Variants in ABHD3 observed in about 807,000 individuals in gnomAD.
The protein encoded by ABHD3 is abhydrolase domain containing 3, phospholipase, also known as phospholipase ABHD3.
In ABHD3, 46 loss-of-function variants were observed where a neutral mutation model predicts 48.8. The observed-to-expected ratio is 0.94, with a 90% CI of 0.74 to 1.20. The LOEUF (loss-of-function observed/expected upper bound fraction) is 1.20. Among genes scored for constraint, ABHD3 ranks in the 50% most tolerant of loss-of-function variants. The probability of loss-of-function intolerance (pLI) is 0.00; values close to 1 mark genes in which losing one functional copy is unlikely to be tolerated. For missense variants in ABHD3, 490 were observed against 497.8 expected, an observed-to-expected ratio of 0.98 and a Z score of 0.15; for synonymous variants, 192 against 183.7, an observed-to-expected ratio of 1.04 and a Z score of -0.36.
chr18:21,703,140 C>T (rs1400746536), intron 2 of ABHD3, among the ~76,000 whole-genome samples: 4 of 151,686 alleles, frequency 2.6e-5, no homozygotes, highest in Non-Finnish European at 5.9e-5. Flanking sequence ...ATCAAGATCC[C>T]ATTTGCCTGT....
intron 8 of ABHD3, among the ~76,000 whole-genome samples, chr18:21,653,844 T>C: frequency 7.3e-6 from 1 of 137,290 alleles, no homozygotes; most frequent in South Asian, 2.3e-4. Context: ...TGCAGTAAAC[T>C]TTTTTTTTTT....
chr18:21,654,188 A>G (rs2039293460), intron 8 of ABHD3, among the ~76,000 whole-genome samples: 1 of 152,062 alleles, frequency 6.6e-6, no homozygotes, highest in African/African-American at 2.4e-5. Context: ...AGTGGACTCC[A>G]GTCTGGGCAA....
chr18:21,680,317 C>T (rs922738757), intron 4 of ABHD3, among the ~76,000 whole-genome samples: 1 of 152,114 alleles, frequency 6.6e-6, no homozygotes, highest in African/African-American at 2.4e-5. Flanking sequence ...TGCCCAGTCT[C>T]ATGTTTATTA....
At chr18:21,676,686 C>G (rs1333747728) in intron 4 of ABHD3, among the ~76,000 whole-genome samples, 2 of 152,220 alleles carry the variant, frequency 1.3e-5, no homozygotes, top group Non-Finnish European at 2.9e-5. Flanking sequence ...CCACCGCATC[C>G]GGCCTTAAGT....
At chr18:21,695,620 G>A (rs2040352897) in intron 3 of ABHD3, among the ~76,000 whole-genome samples, 1 of 149,028 alleles carries the variant, frequency 6.7e-6, no homozygotes, top group Non-Finnish European at 1.5e-5. Context: ...CATTAAATTT[G>A]CCATTACTTT....
At chr18:21,681,143 T>C (rs1002974610) in intron 4 of ABHD3, among the ~76,000 whole-genome samples, 1 of 152,066 alleles carries the variant, frequency 6.6e-6, no homozygotes, top group Non-Finnish European at 1.5e-5. Flanking sequence ...TCTCAGTCTG[T>C]CTCTCTCTTG....
At position 21,651,540 on chromosome 18, in the gene ABHD3, A is replaced by C. The variant is rs1443334698; in HGVS notation, c.*51T>G. The C allele has an allele frequency of 6.2e-7, 1 of 1,606,954 alleles. No individual in the cohort carries two copies. The highest frequency in any genetic ancestry group is 1.1e-5 in the South Asian group (1 of 90,584). On this transcript the variant is annotated 3_prime_UTR_variant, in exon 9 of 9. Transcript: ENST00000289119. Reference sequence around the variant, plus strand: ...CAGTTAAAATTTGTGCACTAAGCTGAGCTGCCTTCACAATTGTGGTTCAGA... The same window carrying C: ...CAGTTAAAATTTGTGCACTAAGCTGCGCTGCCTTCACAATTGTGGTTCAGA...
intron 4 of ABHD3, among the ~76,000 whole-genome samples, chr18:21,672,979 G>A (rs2039788538): frequency 6.6e-6 from 1 of 152,178 alleles, no homozygotes; most frequent in Non-Finnish European, 1.5e-5. Flanking sequence ...TCACATTCCT[G>A]CCAGCGCTCC....
chr18:21,682,120 G>T, intron 4 of ABHD3: 1 of 152,468 alleles, frequency 6.6e-6, no homozygotes, highest in South Asian at 2.1e-4. Flanking sequence ...CTGGGCAACA[G>T]GGCAAGACCC....
intron 6 of ABHD3, among the ~76,000 whole-genome samples, chr18:21,657,666 A>G (rs2039389792): frequency 6.6e-6 from 1 of 152,114 alleles, no homozygotes; most frequent in Non-Finnish European, 1.5e-5. Flanking sequence ...AATCTAATCC[A>G]GTGTTTAATG....
At chr18:21,666,827 G>A (rs925927786) in intron 4 of ABHD3, among the ~76,000 whole-genome samples, 1 of 152,078 alleles carries the variant, frequency 6.6e-6, no homozygotes, top group Non-Finnish European at 1.5e-5. Flanking sequence ...CTTCACTTGA[G>A]ATCTGGGAGG....
intron 1 of ABHD3, 186 bp from the exon 2 acceptor site, chr18:21,703,933 G>T: frequency 1.7e-6 from 1 of 595,336 alleles, no homozygotes; most frequent in East Asian, 2.8e-5. Flanking sequence ...TGCCCCGAGG[G>T]GAAGGCGAGA....
intron 3 of ABHD3, among the ~76,000 whole-genome samples, chr18:21,691,521 G>A (rs149935972): frequency 2.6e-5 from 4 of 152,204 alleles, no homozygotes; most frequent in Admixed American, 1.3e-4. Context: ...CATAATTCAC[G>A]TACCTTTTTC....
Position 21,651,780 on chromosome 18 carries a change from AC to A in ABHD3, c.1058-18del. The A allele has an allele frequency of 6.6e-7, 1 of 1,506,864 alleles. No homozygotes were observed. The allele number at this position is 1,506,864 out of a possible 1,614,324, so 93.3% of individuals were successfully genotyped here. On this transcript the variant is annotated intron_variant, in intron 8 of 8. Transcript: ENST00000289119. ...TTGGAATAGCTTCAGACCAAAAAAA[AC>A]ATGGCAATAAGAGAGAAGAAGGAGA...
At chr18:21,681,393 T>C (rs139772008) in intron 4 of ABHD3, among the ~76,000 whole-genome samples, 1 of 152,284 alleles carries the variant, frequency 6.6e-6, no homozygotes, top group Non-Finnish European at 1.5e-5. Context: ...ATACGACTAA[T>C]ACTATTTTCT....
intron 8 of ABHD3, among the ~76,000 whole-genome samples, chr18:21,655,614 C>T (rs1247713685): frequency 1.3e-5 from 2 of 152,006 alleles, no homozygotes; most frequent in Admixed American, 6.6e-5. Context: ...CTGAGGCAGG[C>T]GGATCGCCTG....
rs544250040 is a variant in ABHD3 at position 21,690,340 on chromosome 18, C to T, written c.510-6375G>A. Among the ~76,000 whole-genome samples, 312 of 151,768 alleles carry T rather than the reference C, an allele frequency of 2.1e-3. 1 individual carries two copies. The highest frequency in any genetic ancestry group is 6.0e-3 in the South Asian group (29 of 4,822). On this transcript the variant is annotated intron_variant, in intron 3 of 8. Coordinates refer to ENST00000289119, the MANE Select transcript of ABHD3 (RefSeq NM_138340.5). ...TGTAATTGTGGGCACGGTGACTCAC[C>T]CCTGTAATTACAGCACTTCGGGAGG...
chr18:21,675,262 GTTTTTTT>G (rs61119109), intron 4 of ABHD3, among the ~76,000 whole-genome samples: 6 of 85,476 alleles, frequency 7.0e-5, no homozygotes, highest in African/African-American at 2.4e-4. Context: ...AATGAGGTGG[GTTTTTTT>G]TTTTTTTTTT....
intron 4 of ABHD3, among the ~76,000 whole-genome samples, chr18:21,680,830 T>C (rs1449865603): frequency 1.3e-5 from 2 of 151,386 alleles, no homozygotes; most frequent in Non-Finnish European, 2.9e-5. Flanking sequence ...TCCTATTTGT[T>C]GTTTCTTTTT....
Sources: allele counts gnomAD v4.1 joint callset (sites outside exome capture counted in the v4.1 genomes callset), GRCh38; gene constraint gnomAD v4.1.1; transcripts MANE v1.5; gene names NCBI Gene and HGNC (gene_info 2026-07-23, HGNC 2026-07-21).